Variants in DNASE2B observed in about 807,000 individuals in gnomAD.
DNASE2B encodes deoxyribonuclease-2-beta.
A neutral mutation model predicts 46.0 loss-of-function variants in DNASE2B; 43 were observed. The ratio of observed to expected loss-of-function variants is 0.94; its 90% CI spans 0.73 to 1.21. DNASE2B has a LOEUF of 1.21. Ranked by LOEUF, DNASE2B falls within the 50% of genes most tolerant of loss-of-function variation. The pLI, the probability that DNASE2B is intolerant of heterozygous loss-of-function variation, is 0.00. For missense variants in DNASE2B, 395 were observed against 414.4 expected (o/e 0.95, Z 0.41); for synonymous variants, 156 against 152.5 (o/e 1.02, Z -0.17).
intron 3 of DNASE2B, 83 bp downstream of exon 3, chr1:84,408,601 C>T: frequency 8.6e-7 from 1 of 1,159,944 alleles, no homozygotes; most frequent in Non-Finnish European, 1.2e-6. Context: ...CCTTATATTC[C>T]ATACTAAATA....
chr1:84,401,898 T>A lies in DNASE2B; in HGVS notation c.126-3T>A. The A allele has an allele frequency of 6.7e-7, 1 of 1,495,178 alleles. No individual in the cohort carries two copies. The highest frequency in any genetic ancestry group is 8.9e-7 in the Non-Finnish European group (1 of 1,127,124). The allele number at this position is 1,495,178 out of a possible 1,614,324, so 92.6% of individuals were successfully genotyped here. A position where few individuals can be genotyped will look rare whatever the true frequency, so the allele number is the denominator to read the frequency against. ...AGTAATTCATAATCATTTTGTCTGT[T>A]AGGTTTACTTTTTATAAGTTACCTA... On this transcript the variant is annotated splice_region_variant and splice_polypyrimidine_tract_variant and intron_variant, in intron 1 of 5. Transcript: ENST00000370665.
In DNASE2B at chr1:84,412,705, GCCGGCTATATGAGTCAA is replaced by G. The variant is rs1680622869; in HGVS notation, c.745+162_745+178del. ...AAGTCACGGATCAGTTCAAACATCA[GCCGGCTATATGAGTCAA>G]CCACAAAAGTATCTCACAACCATCC... On this transcript the variant is annotated intron_variant, in intron 5 of 5. Coordinates refer to ENST00000370665, the MANE Select transcript of DNASE2B (RefSeq NM_021233.3). 5.9e-5 allele frequency among the ~76,000 whole-genome samples: 9 copies of G among 152,102 alleles called. No individual in the cohort carries two copies. In the South Asian group the frequency reaches 1.9e-3, roughly 32 times the overall value.
intron 5 of DNASE2B, among the ~76,000 whole-genome samples, chr1:84,413,594 T>C (rs1320253417): frequency 6.6e-6 from 1 of 152,210 alleles, no homozygotes; most frequent in East Asian, 1.9e-4. Context: ...TTCCTCTGAC[T>C]ACTCTTTAGG....
intron 3 of DNASE2B, among the ~76,000 whole-genome samples, chr1:84,408,842 A>G (rs1680539821): frequency 6.6e-6 from 1 of 151,642 alleles, no homozygotes; most frequent in African/African-American, 2.4e-5. Flanking sequence ...ATATATGCAC[A>G]TGAATATGTA....
At position 84,410,268 on chromosome 1, in the gene DNASE2B, G is replaced by A. The variant is rs192182823; in HGVS notation, c.386-570G>A. Among the ~76,000 whole-genome samples, 197 of 152,224 alleles carry A rather than the reference G, an allele frequency of 1.3e-3. 1 individual carries two copies. The highest frequency in any genetic ancestry group is 3.9e-3 in the African/African-American group (164 of 41,544). ...TTTTGCTCTAGAGATTTTTACAAAC[G>A]TAATTAACTAGGATGCTTTAGCACA... On this transcript the variant is annotated intron_variant, in intron 3 of 5. Coordinates refer to ENST00000370665, the MANE Select transcript of DNASE2B (RefSeq NM_021233.3).
At chr1:84,408,377 T>A in intron 2 of DNASE2B, 60 bp from the exon 3 acceptor site, 1 of 1,538,316 alleles carries the variant, frequency 6.5e-7, no homozygotes, top group South Asian at 1.3e-5. Flanking sequence ...CTGGTAGAAA[T>A]GTTGTGGGCG....
intron 1 of DNASE2B, 100 bp from the exon 2 acceptor site, chr1:84,401,801 T>G (rs1000114087): frequency 1.1e-6 from 1 of 947,356 alleles, no homozygotes; most frequent in Non-Finnish European, 1.5e-6. Flanking sequence ...AGGCCTTCCA[T>G]GAAACAGAAA....
chr1:84,412,591 T>A lies in DNASE2B; in HGVS notation c.745+45T>A, dbSNP rs373722988. 1.1e-5 allele frequency: 16 copies of A among 1,483,966 alleles called. No homozygotes were observed. The African/African-American group carries it at 2.1e-4, about 19-fold the overall frequency. 91.9% of individuals were successfully genotyped at this position (1,483,966 alleles called of 1,614,324 possible). The stretch of plus-strand genomic sequence containing the variant: ...AACAACATGCTGTATAATTCTGCTG[T>A]TGAACTGACTAGGGATAGCTTAGAG... On this transcript the variant is annotated intron_variant, in intron 5 of 5. Transcript: ENST00000370665.
chr1:84,400,922 A>C (rs1266962836), intron 1 of DNASE2B, among the ~76,000 whole-genome samples: 6 of 152,232 alleles, frequency 3.9e-5, no homozygotes, highest in African/African-American at 1.4e-4. Flanking sequence ...AAGCATAAGC[A>C]GGGCAGGAAA....
chr1:84,409,111 T>G (rs1015501314), intron 3 of DNASE2B, among the ~76,000 whole-genome samples: 3 of 152,042 alleles, frequency 2.0e-5, no homozygotes, highest in Non-Finnish European at 2.9e-5. Flanking sequence ...TACAGAAAAA[T>G]TCAAAATACA....
At chr1:84,409,307 A>G (rs1053911441) in intron 3 of DNASE2B, among the ~76,000 whole-genome samples, 6 of 152,196 alleles carry the variant, frequency 3.9e-5, no homozygotes, top group Admixed American at 2.0e-4. Context: ...AGAAGATTCC[A>G]AATTCAAATG....
intron 1 of DNASE2B, among the ~76,000 whole-genome samples, chr1:84,400,619 C>CA (rs1318377002): frequency 6.6e-6 from 1 of 152,194 alleles, no homozygotes; most frequent in Admixed American, 6.5e-5. Context: ...TAATTAGAGA[C>CA]AGTCACCCAG....
At position 84,410,958 on chromosome 1, in the gene DNASE2B, G is replaced by C. The variant is rs937155369; in HGVS notation, c.506G>C (p.Gly169Ala). The C allele has an allele frequency of 1.2e-6, 2 of 1,611,978 alleles. No individual in the cohort carries two copies. Among genetic ancestry groups the C allele is most frequent in the Admixed American group, 1.7e-5 (1 of 59,692 alleles). Reference sequence around the variant, plus strand: ...ACAGGGAGACGAAATGGACAAAGTGGCATCTGCATAACTTTCAAGTACAAC... The same window carrying C: ...ACAGGGAGACGAAATGGACAAAGTGCCATCTGCATAACTTTCAAGTACAAC... ...PPTGRRNGQS[G>A]ICITFKYNQY... Residue 169 changes from glycine (G) to alanine (A), a missense_variant, in exon 4 of 6, where the codon GGC becomes GCC. Coordinates refer to ENST00000370665, the MANE Select transcript of DNASE2B (RefSeq NM_021233.3).
intron 3 of DNASE2B, among the ~76,000 whole-genome samples, chr1:84,408,816 T>A (rs1200908935): frequency 6.7e-6 from 1 of 149,298 alleles, no homozygotes; most frequent in Non-Finnish European, 1.5e-5. Flanking sequence ...ACCAGCAATT[T>A]TATATATATA....
chr1:84,408,282 T>G (rs1680526166), intron 2 of DNASE2B, 155 bp from the exon 3 acceptor site: 1 of 1,207,824 alleles, frequency 8.3e-7, no homozygotes, highest in African/African-American at 1.6e-5. Flanking sequence ...GTCACAGGCT[T>G]CATATTGATG....
intron 5 of DNASE2B, among the ~76,000 whole-genome samples, chr1:84,413,807 G>A (rs529082437): frequency 1.8e-4 from 28 of 152,264 alleles, no homozygotes; most frequent in African/African-American, 4.8e-4. Flanking sequence ...CAAACTCACT[G>A]CGTCATCATC....
At chr1:84,408,145 G>C in intron 2 of DNASE2B, 2 of 214,236 alleles carry the variant, frequency 9.3e-6, no homozygotes, top group South Asian at 1.5e-4. Context: ...TCAGAAACTT[G>C]GTTCCAAAAC....
intron 2 of DNASE2B, among the ~76,000 whole-genome samples, chr1:84,407,567 C>T (rs1178186270): frequency 6.6e-6 from 1 of 151,982 alleles, no homozygotes; most frequent in African/African-American, 2.4e-5. Context: ...TTTTTAAGGA[C>T]ATAGGTTATC....
Position 84,411,008 on chromosome 1 carries a change from A to G in DNASE2B, c.547+9A>G. 1 of 1,569,702 alleles carries G rather than the reference A, an allele frequency of 6.4e-7. No homozygotes were observed. Among genetic ancestry groups the G allele is most frequent in the Admixed American group, 1.9e-5 (1 of 53,512 alleles). On this transcript the variant is annotated intron_variant, in intron 4 of 5. Coordinates refer to ENST00000370665, the MANE Select transcript of DNASE2B (RefSeq NM_021233.3). ...CCAGTATGAGGCAATAGGTAAAACTAAAGTATGTGAGAAAAAAAACGATAA... is the reference window on the plus strand; with the variant it reads ...CCAGTATGAGGCAATAGGTAAAACTGAAGTATGTGAGAAAAAAAACGATAA...
Sources: gnomAD v4.1 joint callset for allele counts (sites outside exome capture counted in the v4.1 genomes callset) on GRCh38, gnomAD v4.1.1 for gene constraint, MANE v1.5 for transcripts, NCBI Gene and HGNC (gene_info 2026-07-23, HGNC 2026-07-21) for gene names.